The following PIP4K2A variants were observed in gnomAD, a reference collection of about 807,000 sequenced individuals.
PIP4K2A encodes the protein phosphatidylinositol-5-phosphate 4-kinase type 2 alpha.
PIP4K2A carries 14 observed loss-of-function variants against 42.9 expected under a neutral mutation model. That is an observed-to-expected ratio of 0.33 (90% CI 0.22 to 0.51). PIP4K2A has a LOEUF of 0.51. PIP4K2A is among the 20% of genes least tolerant of loss of function. The pLI is 0.97. For synonymous variants in PIP4K2A, 192 were observed against 192.2 expected, an observed-to-expected ratio of 1.00 and a Z score of 0.01; for missense variants, 434 against 519.8, an observed-to-expected ratio of 0.83 and a Z score of 1.61.
At chr10:22,674,164 C>T (rs984595386) in intron 1 of PIP4K2A, among the ~76,000 whole-genome samples, 1 of 152,130 alleles carries the variant, frequency 6.6e-6, no homozygotes, top group African/African-American at 2.4e-5. Flanking sequence ...GCCACAGGGA[C>T]ACAAACTGAT....
At chr10:22,615,317 G>A (rs931218089) in intron 1 of PIP4K2A, among the ~76,000 whole-genome samples, 1 of 152,074 alleles carries the variant, frequency 6.6e-6, no homozygotes, top group African/African-American at 2.4e-5. Context: ...TATGTTGCCT[G>A]GGCTCAACAG....
At chr10:22,653,831 G>T (rs184836353) in intron 1 of PIP4K2A, among the ~76,000 whole-genome samples, 2 of 152,094 alleles carry the variant, frequency 1.3e-5, no homozygotes, top group South Asian at 4.2e-4. Flanking sequence ...CCAAGATTGC[G>T]CCACTGCACT....
At chr10:22,642,586 A>G (rs1202079301) in intron 1 of PIP4K2A, among the ~76,000 whole-genome samples, 1 of 145,316 alleles carries the variant, frequency 6.9e-6, no homozygotes, top group Non-Finnish European at 1.5e-5. Context: ...TTATATGTGT[A>G]TTTATAAACA....
chr10:22,654,342 G>C (rs1234878122), intron 1 of PIP4K2A, among the ~76,000 whole-genome samples: 1 of 152,036 alleles, frequency 6.6e-6, no homozygotes, highest in Non-Finnish European at 1.5e-5. Context: ...GAAAAACACA[G>C]CTCTCACTTT....
chr10:22,680,345 C>T (rs1378338811), intron 1 of PIP4K2A, among the ~76,000 whole-genome samples: 3 of 151,820 alleles, frequency 2.0e-5, no homozygotes, highest in African/African-American at 4.8e-5. Context: ...TTTAGATGGC[C>T]GAATTATGAG....
intron 6 of PIP4K2A, among the ~76,000 whole-genome samples, chr10:22,558,080 T>C (rs1415626416): frequency 6.6e-6 from 1 of 152,234 alleles, no homozygotes; most frequent in African/African-American, 2.4e-5. Flanking sequence ...AGTCTAATTG[T>C]AAGCCTCAAT....
intron 8 of PIP4K2A, 22 bp downstream of exon 8, chr10:22,541,782 G>C: frequency 1.3e-6 from 2 of 1,526,976 alleles, no homozygotes; most frequent in South Asian, 1.3e-5. Flanking sequence ...ATGCAAAAAG[G>C]GTCCACAGTA....
At chr10:22,611,584 C>G (rs866792598) in intron 1 of PIP4K2A, among the ~76,000 whole-genome samples, 18 of 152,156 alleles carry the variant, frequency 1.2e-4, no homozygotes, top group African/African-American at 4.1e-4. Flanking sequence ...ATAGTGACAG[C>G]TGACAGCTAG....
chr10:22,675,984 C>A (rs984757229), intron 1 of PIP4K2A, among the ~76,000 whole-genome samples: 1 of 152,202 alleles, frequency 6.6e-6, no homozygotes, highest in Non-Finnish European at 1.5e-5. Flanking sequence ...AACAGGGAAA[C>A]AGACACACTG....
chr10:22,699,174 T>A (rs1833660234), intron 1 of PIP4K2A, among the ~76,000 whole-genome samples: 1 of 152,220 alleles, frequency 6.6e-6, no homozygotes, highest in Non-Finnish European at 1.5e-5. Flanking sequence ...TTATCATAAT[T>A]TCAGAAACAA....
At chr10:22,684,729 T>C (rs953811189) in intron 1 of PIP4K2A, among the ~76,000 whole-genome samples, 1 of 152,168 alleles carries the variant, frequency 6.6e-6, no homozygotes, top group African/African-American at 2.4e-5. Context: ...TATGGCAAAG[T>C]GGCCATTTGT....
At chr10:22,608,523 G>A (rs1837959347) in intron 2 of PIP4K2A, among the ~76,000 whole-genome samples, 1 of 152,158 alleles carries the variant, frequency 6.6e-6, no homozygotes. Context: ...ACACTGTTAT[G>A]AGAAAAATTA....
At chr10:22,694,818 TAA>T (rs952641140) in intron 1 of PIP4K2A, among the ~76,000 whole-genome samples, 11 of 152,216 alleles carry the variant, frequency 7.2e-5, no homozygotes, top group African/African-American at 2.2e-4. Context: ...TCAATAAATG[TAA>T]AAAGTTTTTT....
chr10:22,597,719 G>GAAAAAAAA (rs10711192), intron 3 of PIP4K2A, among the ~76,000 whole-genome samples: 1 of 146,384 alleles, frequency 6.8e-6, no homozygotes, highest in African/African-American at 2.5e-5. Flanking sequence ...GCTCTGCATG[G>GAAAAAAAA]AAAAAAAAAA....
intron 5 of PIP4K2A, among the ~76,000 whole-genome samples, chr10:22,570,651 C>T (rs1340568782): frequency 1.3e-5 from 2 of 152,182 alleles, no homozygotes; most frequent in South Asian, 4.1e-4. Context: ...TGGTTCAGAA[C>T]CCTGGGGTCC....
intron 1 of PIP4K2A, among the ~76,000 whole-genome samples, chr10:22,700,026 A>C (rs1469322795): frequency 1.3e-5 from 2 of 152,230 alleles, no homozygotes; most frequent in Non-Finnish European, 2.9e-5. Flanking sequence ...ACAGACTAGG[A>C]GAAAATGTCC....
At chr10:22,549,838 CAAAAAAAAAAAAAAAAAAAAAAAAA>C (rs56349240) in intron 7 of PIP4K2A, among the ~76,000 whole-genome samples, 2 of 70,130 alleles carry the variant, frequency 2.9e-5, no homozygotes, top group Admixed American at 2.4e-4. Flanking sequence ...GAATCCATCT[CAAAAAAAAAAAAAAAAAAAAAAAAA>C]AAAAAAAAAA....
At chr10:22,701,061 C>A (rs189388675) in intron 1 of PIP4K2A, among the ~76,000 whole-genome samples, 4 of 152,300 alleles carry the variant, frequency 2.6e-5, no homozygotes, top group Admixed American at 2.6e-4. Flanking sequence ...CCAGCTTCTC[C>A]ATCCACCACG....
chr10:22,700,669 C>T (rs1380257774), intron 1 of PIP4K2A, among the ~76,000 whole-genome samples: 1 of 152,180 alleles, frequency 6.6e-6, no homozygotes, highest in Non-Finnish European at 1.5e-5. Flanking sequence ...CTGCCCCTAC[C>T]ACCTGGAGCC....
Sources: gnomAD v4.1 joint callset for allele counts (sites outside exome capture counted in the v4.1 genomes callset) on GRCh38, gnomAD v4.1.1 for gene constraint, MANE v1.5 for transcripts, NCBI Gene and HGNC (gene_info 2026-07-23, HGNC 2026-07-21) for gene names.